Variants in DNAH12 observed in about 807,000 individuals in gnomAD.
DNAH12 encodes the protein axonemal beta dynein heavy chain 12.
In DNAH12, 285 loss-of-function variants were observed where a neutral mutation model predicts 371.5. The ratio of observed to expected loss-of-function variants is 0.77; its 90% CI spans 0.70 to 0.85. The LOEUF (loss-of-function observed/expected upper bound fraction) is 0.85, where lower values mean the gene tolerates loss of function less well. Among genes scored for constraint, DNAH12 ranks in the 40% least tolerant of loss-of-function variants. The pLI is 0.00. For missense variants in DNAH12, 3,611 were observed against 3,689.4 expected, an observed-to-expected ratio of 0.98 and a Z score of 0.55; for synonymous variants, 1,200 against 1,213.0, an observed-to-expected ratio of 0.99 and a Z score of 0.22.
At chr3:57,508,758 TG>T (rs1457819604) in intron 6 of DNAH12, among the ~76,000 whole-genome samples, 2 of 152,188 alleles carry the variant, frequency 1.3e-5, no homozygotes, top group Admixed American at 6.5e-5. Flanking sequence ...AGAAATAATT[TG>T]TGAGTAAGGC....
Position 57,444,794 on chromosome 3 carries a change from A to G in DNAH12, c.4448T>C (p.Val1483Ala). ...ATGTGATAAAAACTTTGGTTCATTT[A>G]CATCTTTAATTGATCGAAGAAGCTA... Reference protein sequence around the residue: ...DILLLRSIKDVNEPKFLSHDI... With the variant: ...DILLLRSIKDANEPKFLSHDI... The change falls in exon 29 of 74, where the codon GTA becomes GCA. Residue 1483 changes from valine (V) to alanine (A), a missense_variant. Val to Ala is a moderately conservative substitution (Grantham distance 64). Coordinates refer to ENST00000495027, the MANE Select transcript of DNAH12 (RefSeq NM_001366028.2). 2.6e-6 allele frequency: 4 copies of G among 1,546,754 alleles called. No individual in the cohort carries two copies. Among genetic ancestry groups the G allele is most frequent in the Non-Finnish European group, 3.5e-6 (4 of 1,145,418 alleles).
intron 12 of DNAH12, among the ~76,000 whole-genome samples, chr3:57,483,950 C>CAAAAA (rs71088079): frequency 4.7e-5 from 3 of 64,046 alleles, no homozygotes; most frequent in African/African-American, 1.4e-4. Flanking sequence ...GACCCTGTCT[C>CAAAAA]AAAAAAAAAA....
Position 57,461,706 on chromosome 3 carries a change from A to C in DNAH12, c.2536-17T>G. Reference sequence around the variant, plus strand: ...TGAAAATTCCTAAAACGGAGGAATGAAGAAAGAACGGGATGGTGAAGAAAG... The same window carrying C: ...TGAAAATTCCTAAAACGGAGGAATGCAGAAAGAACGGGATGGTGAAGAAAG... On this transcript the variant is annotated splice_polypyrimidine_tract_variant and intron_variant, in intron 18 of 73. Coordinates refer to ENST00000495027, the MANE Select transcript of DNAH12 (RefSeq NM_001366028.2). 1 of 1,540,986 alleles carries C rather than the reference A, an allele frequency of 6.5e-7. No homozygotes were observed. The highest frequency in any genetic ancestry group is 8.8e-7 in the Non-Finnish European group (1 of 1,139,658).
intron 35 of DNAH12, among the ~76,000 whole-genome samples, chr3:57,422,813 T>C (rs1290861310): frequency 1.3e-5 from 2 of 152,190 alleles, no homozygotes; most frequent in African/African-American, 2.4e-5. Flanking sequence ...GCAACCCAAA[T>C]TGTTCTTCAG....
intron 13 of DNAH12, among the ~76,000 whole-genome samples, chr3:57,476,884 T>C (rs1184632780): frequency 6.6e-6 from 1 of 152,174 alleles, no homozygotes; most frequent in South Asian, 2.1e-4. Flanking sequence ...TTTAAAAATC[T>C]ATATTGTTTA....
At chr3:57,361,911 T>G (rs1043042298) in intron 58 of DNAH12, among the ~76,000 whole-genome samples, 32 of 152,276 alleles carry the variant, frequency 2.1e-4, no homozygotes, top group Middle Eastern at 3.4e-3. Flanking sequence ...ATGTGCACAA[T>G]GTGCAGGTTT....
At position 57,429,676 on chromosome 3, in the gene DNAH12, A is replaced by G; in HGVS notation, c.5064+15T>C. ...GAAATGAACAAACCACCATTGTATT[A>G]AATTATGAACTTACGGATGCCTGGG... On this transcript the variant is annotated intron_variant, in intron 33 of 73. Coordinates refer to ENST00000495027, the MANE Select transcript of DNAH12 (RefSeq NM_001366028.2). 3.9e-6 allele frequency: 6 copies of G among 1,521,744 alleles called. No homozygotes were observed. The highest frequency in any genetic ancestry group is 5.3e-6 in the Non-Finnish European group (6 of 1,137,546). The allele number at this position is 1,521,744 out of a possible 1,614,324, so 94.3% of individuals were successfully genotyped here.
chr3:57,391,540 A>G (rs1415450467), intron 45 of DNAH12, among the ~76,000 whole-genome samples: 1 of 152,176 alleles, frequency 6.6e-6, no homozygotes, highest in Non-Finnish European at 1.5e-5. Flanking sequence ...TTTCCTATTG[A>G]TTCCTAATAC....
chr3:57,544,744 C>T (rs1036091855), upstream of DNAH12, among the ~76,000 whole-genome samples: 3 of 152,170 alleles, frequency 2.0e-5, no homozygotes, highest in Admixed American at 2.0e-4. Flanking sequence ...TTTGTTGACA[C>T]AGCACTTCCA....
Position 57,293,837 on chromosome 3 carries a change from GTTGGTCTGTTTT to G in DNAH12, c.11815_11826del (p.Lys3939_Gln3942del). 6.4e-7 allele frequency: 1 copy of G among 1,550,614 alleles called. No individual in the cohort carries two copies. Among genetic ancestry groups the G allele is most frequent in the Non-Finnish European group, 8.7e-7 (1 of 1,146,592 alleles). The stretch of plus-strand genomic sequence containing the variant: ...CCGCGCTTGATCCAGTGCCGAGTAG[GTTGGTCTGTTTT>G]TAACAACATTGCAATGACAAAGTTA... On this transcript the variant is annotated inframe_deletion, in exon 74 of 74. Coordinates refer to ENST00000495027, the MANE Select transcript of DNAH12 (RefSeq NM_001366028.2).
In DNAH12 at chr3:57,458,171, C is replaced by G. The variant is rs1559682976; in HGVS notation, c.2981G>C (p.Cys994Ser). 3 of 1,549,832 alleles carry G rather than the reference C, an allele frequency of 1.9e-6. No homozygotes were observed. The highest frequency in any genetic ancestry group is 2.6e-6 in the Non-Finnish European group (3 of 1,146,574). ...CATAATTTTCTCCAAAAGTTCATTGCAGTTCTGTAGTTTTTCCAATAAACC... is the reference window on the plus strand; with the variant it reads ...CATAATTTTCTCCAAAAGTTCATTGGAGTTCTGTAGTTTTTCCAATAAACC... ...LTGLLEKLQN[C>S]NELLEKIMKG... Residue 994 changes from cysteine (C) to serine (S), a missense_variant, in exon 21 of 74, where the codon TGC becomes TCC. Physicochemically the swap from Cys to Ser is moderately radical, Grantham distance 112. Around this residue, in one of 3 missense-constraint regions of DNAH12, gnomAD observed 1,314 missense variants for 1,398.7 expected, o/e 0.94. Coordinates refer to ENST00000495027, the MANE Select transcript of DNAH12 (RefSeq NM_001366028.2).
At chr3:57,351,184 G>A (rs1052191113) in intron 60 of DNAH12, among the ~76,000 whole-genome samples, 4 of 151,990 alleles carry the variant, frequency 2.6e-5, no homozygotes, top group Non-Finnish European at 5.9e-5. Flanking sequence ...CAGGAGAATC[G>A]CTTGAACCCG....
intron 42 of DNAH12, among the ~76,000 whole-genome samples, chr3:57,404,754 C>A (rs1257267076): frequency 6.6e-6 from 1 of 152,042 alleles, no homozygotes; most frequent in Non-Finnish European, 1.5e-5. Context: ...ACACAAGTTT[C>A]TTTTCACTAC....
chr3:57,374,603 C>A (rs2063242853), intron 55 of DNAH12, among the ~76,000 whole-genome samples: 1 of 152,022 alleles, frequency 6.6e-6, no homozygotes, highest in Non-Finnish European at 1.5e-5. Flanking sequence ...GTAGCAATAC[C>A]TAGTTAAAAC....
At chr3:57,412,573 G>T (rs1424044968) in intron 39 of DNAH12, among the ~76,000 whole-genome samples, 1 of 152,104 alleles carries the variant, frequency 6.6e-6, no homozygotes, top group Non-Finnish European at 1.5e-5. Flanking sequence ...AATATACAAA[G>T]AACTCTTAAA....
chr3:57,392,195 T>G (rs2063638659), intron 44 of DNAH12, 129 bp from the exon 45 acceptor site: 1 of 152,222 alleles, frequency 6.6e-6, no homozygotes, highest in African/African-American at 2.4e-5. Context: ...TGGTTTTATA[T>G]CAATAGAATG....
intron 2 of DNAH12, among the ~76,000 whole-genome samples, 156 bp from the exon 3 acceptor site, chr3:57,524,040 A>G (rs1211264579): frequency 2.0e-5 from 3 of 152,216 alleles, no homozygotes; most frequent in Non-Finnish European, 4.4e-5. Context: ...GACATTATCA[A>G]TGAGACCTTA....
At chr3:57,468,648 G>T (rs2066273077) in intron 17 of DNAH12, 88 bp downstream of exon 17, 3 of 763,978 alleles carry the variant, frequency 3.9e-6, no homozygotes, top group African/African-American at 3.7e-5. Flanking sequence ...TGTAAAACCA[G>T]AAGATAGGCT....
chr3:57,511,118 T>A, intron 4 of DNAH12, 139 bp from the exon 5 acceptor site: 1 of 601,616 alleles, frequency 1.7e-6, no homozygotes, highest in Non-Finnish European at 2.6e-6. Context: ...AAAAACCATT[T>A]AATCCAAAAG....
Sources: gnomAD v4.1 joint callset for allele counts (sites outside exome capture counted in the v4.1 genomes callset) on GRCh38, gnomAD v4.1.1 for gene constraint, gnomAD v4.1.1 regional missense constraint, MANE v1.5 for transcripts, NCBI Gene and HGNC (gene_info 2026-07-23, HGNC 2026-07-21) for gene names.